ACTR3C: variants seen among roughly 807,000 people sequenced by gnomAD.
ACTR3C encodes the protein actin-related protein 3C.
In ACTR3C, 18 loss-of-function variants were observed where a neutral mutation model predicts 26.3. The observed-to-expected ratio is 0.68, with a 90% CI of 0.47 to 1.01. The LOEUF is 1.01. Among genes scored for constraint, ACTR3C ranks in the 50% least tolerant of loss-of-function variants. ACTR3C has a pLI of 0.00. For synonymous variants in ACTR3C, 55 were observed against 94.5 expected (o/e 0.58, Z 2.42); for missense variants, 184 against 250.7 (o/e 0.73, Z 1.80).
the ACTR3C span, among the ~76,000 whole-genome samples, chr7:149,888,133 C>T: frequency 6.6e-6 from 1 of 152,208 alleles, no homozygotes; most frequent in Non-Finnish European, 1.5e-5. Context: ...TTTTGTCATG[C>T]AGCATTATTG....
chr7:150,217,262 G>C, the ACTR3C span, among the ~76,000 whole-genome samples: 1 of 151,648 alleles, frequency 6.6e-6, no homozygotes, highest in African/African-American at 2.4e-5. Flanking sequence ...GGATCCCAAA[G>C]TCCAAGCTTT....
At chr7:150,195,197 A>G in the ACTR3C span, among the ~76,000 whole-genome samples, 3 of 151,080 alleles carry the variant, frequency 2.0e-5, no homozygotes, top group Non-Finnish European at 4.4e-5. Context: ...AACTGGGAAC[A>G]TACTGTTATA....
the ACTR3C span, among the ~76,000 whole-genome samples, chr7:150,061,638 C>A: frequency 5.3e-5 from 2 of 37,734 alleles, no homozygotes; most frequent in Admixed American, 6.4e-4. Context: ...TGGGTTCAAA[C>A]CCAGGTCTGA....
At chr7:150,092,165 G>C in the ACTR3C span, among the ~76,000 whole-genome samples, 1 of 145,490 alleles carries the variant, frequency 6.9e-6, no homozygotes, top group African/African-American at 2.5e-5. Context: ...GTTTCTATGT[G>C]GTAATGAGAA....
At chr7:150,312,787 C>T (rs1796440862) in intron 1 of ACTR3C, among the ~76,000 whole-genome samples, 1 of 152,160 alleles carries the variant, frequency 6.6e-6, no homozygotes, top group African/African-American at 2.4e-5. Context: ...TTTCTTATAA[C>T]TTTATATTTT....
chr7:150,241,543 T>C (rs1406889126), downstream of ACTR3C, among the ~76,000 whole-genome samples: 2 of 152,148 alleles, frequency 1.3e-5, no homozygotes, highest in African/African-American at 4.8e-5. Context: ...AACAAAACCA[T>C]AAAATTTCTA....
the ACTR3C span, among the ~76,000 whole-genome samples, chr7:149,900,301 G>C: frequency 2.0e-5 from 3 of 151,796 alleles, no homozygotes; most frequent in Admixed American, 2.0e-4. Flanking sequence ...TCAGCCTCCC[G>C]AAATAGCTGG....
At chr7:150,120,290 C>T in the ACTR3C span, among the ~76,000 whole-genome samples, 3 of 152,026 alleles carry the variant, frequency 2.0e-5, no homozygotes, top group African/African-American at 7.3e-5. Flanking sequence ...TCAATGAATC[C>T]AGGAGCTGGT....
chr7:150,081,856 G>T, the ACTR3C span, among the ~76,000 whole-genome samples: 1 of 151,500 alleles, frequency 6.6e-6, no homozygotes, highest in African/African-American at 2.4e-5. Flanking sequence ...GGCTCAGGAG[G>T]CCCTGGGTCT....
At chr7:150,046,931 G>T in the ACTR3C span, among the ~76,000 whole-genome samples, 4 of 152,110 alleles carry the variant, frequency 2.6e-5, no homozygotes, top group African/African-American at 9.7e-5. Context: ...GCTAGTCCAG[G>T]GCTGGGAGGG....
the ACTR3C span, among the ~76,000 whole-genome samples, chr7:150,226,971 G>C: frequency 1.3e-5 from 2 of 150,230 alleles, no homozygotes; most frequent in East Asian, 3.9e-4. Flanking sequence ...CTGGTCTGTG[G>C]CTTATCTTTC....
At chr7:149,918,703 C>A in the ACTR3C span, among the ~76,000 whole-genome samples, 2 of 152,104 alleles carry the variant, frequency 1.3e-5, no homozygotes, top group African/African-American at 4.8e-5. Context: ...AAAACAACAA[C>A]AACAAAAAAT....
chr7:150,235,262 G>A, the ACTR3C span, among the ~76,000 whole-genome samples: 21 of 152,286 alleles, frequency 1.4e-4, no homozygotes, highest in Non-Finnish European at 1.5e-5. Flanking sequence ...TCCTGGATAA[G>A]CAAGACAACA....
chr7:150,077,119 C>T, the ACTR3C span, among the ~76,000 whole-genome samples: 1 of 152,112 alleles, frequency 6.6e-6, no homozygotes, highest in Non-Finnish European at 1.5e-5. Context: ...GAGCTGAGAT[C>T]GTACCATTGC....
chr7:150,020,945 C>T, the ACTR3C span, among the ~76,000 whole-genome samples: 10 of 151,918 alleles, frequency 6.6e-5, no homozygotes, highest in Admixed American at 1.3e-4. Flanking sequence ...CTCAGCCTCC[C>T]GAGTAGCTGA....
chr7:150,151,391 C>T, the ACTR3C span, among the ~76,000 whole-genome samples: 1 of 137,462 alleles, frequency 7.3e-6, no homozygotes, highest in Non-Finnish European at 1.6e-5. Context: ...TAATTTATTT[C>T]TATAACTATC....
chr7:150,043,911 TG>T, the ACTR3C span, among the ~76,000 whole-genome samples: 1 of 152,126 alleles, frequency 6.6e-6, no homozygotes, highest in Admixed American at 6.5e-5. Flanking sequence ...ATTATACCAA[TG>T]GAAAACCAAG....
Position 150,284,792 on chromosome 7 carries a change from T to C in ACTR3C, c.525A>G (p.Ile175Met). Residue 175 changes from isoleucine (I) to methionine (M), a missense_variant, in exon 6 of 8, where the codon ATA (isoleucine) becomes ATG (methionine). Ile to Met is a conservative substitution (Grantham distance 10). Transcript: ENST00000683684. ...ESISDVVDEV[I>M]QNCPIDVRRP... ...GCCGCACATCGATGGGGCAGTTCTGTATTACTTCATCAACAACATCTGAGA... is the reference window on the plus strand; with the variant it reads ...GCCGCACATCGATGGGGCAGTTCTGCATTACTTCATCAACAACATCTGAGA... 6.2e-7 allele frequency: 1 copy of C among 1,613,530 alleles called. No individual in the cohort carries two copies. The highest frequency in any genetic ancestry group is 8.5e-7 in the Non-Finnish European group (1 of 1,179,696).
the ACTR3C span, among the ~76,000 whole-genome samples, chr7:150,227,702 T>TTTG: frequency 8.4e-6 from 1 of 118,556 alleles, no homozygotes; most frequent in African/African-American, 4.2e-5. Context: ...TTTTTTTTTG[T>TTTG]TTTTTTTTTT....
Sources: gnomAD v4.1 joint callset for allele counts (sites outside exome capture counted in the v4.1 genomes callset) on GRCh38, gnomAD v4.1.1 for gene constraint, MANE v1.5 for transcripts, NCBI Gene and HGNC (gene_info 2026-07-23, HGNC 2026-07-21) for gene names.